The following GRM7 variants were observed in gnomAD, a reference collection of about 807,000 sequenced individuals.
GRM7 encodes metabotropic glutamate receptor 7.
Under a neutral mutation model 84.5 loss-of-function variants are expected in GRM7, and 35 were observed. The observed-to-expected ratio is 0.41, with a 90% CI of 0.32 to 0.55. GRM7 has a LOEUF of 0.55. Among genes scored for constraint, GRM7 ranks in the 20% least tolerant of loss-of-function variants. The probability of loss-of-function intolerance (pLI) is 0.19; values close to 1 mark genes in which losing one functional copy is unlikely to be tolerated. For missense variants in GRM7, 1,003 were observed against 1,194.6 expected (o/e 0.84, Z 2.36); for synonymous variants, 487 against 455.1 (o/e 1.07, Z -0.89).
intron 1 of GRM7, among the ~76,000 whole-genome samples, chr3:6,895,448 T>C (rs1335233242): frequency 6.6e-6 from 1 of 152,200 alleles, no homozygotes; most frequent in Non-Finnish European, 1.5e-5. Flanking sequence ...TGCCATATGG[T>C]AAGAACACTA....
At chr3:6,956,544 C>T (rs556507257) in intron 1 of GRM7, 1 of 456,012 alleles carries the variant, frequency 2.2e-6, no homozygotes, top group South Asian at 1.6e-5. Flanking sequence ...ATATTTTCCA[C>T]ACTCTCTCTT....
chr3:7,737,846 T>G (rs1424102899), intron 9 of GRM7, among the ~76,000 whole-genome samples: 1 of 148,782 alleles, frequency 6.7e-6, no homozygotes, highest in Non-Finnish European at 1.5e-5. Context: ...TCTCCCAATT[T>G]TTTTTTTTTT....
intron 2 of GRM7, among the ~76,000 whole-genome samples, chr3:7,237,473 T>A (rs1304680519): frequency 1.3e-5 from 2 of 152,120 alleles, no homozygotes; most frequent in Non-Finnish European, 2.9e-5. Context: ...CTCGCTGACT[T>A]CAAGCATGAA....
At position 7,028,090 on chromosome 3, in the gene GRM7, A is replaced by C. The variant is rs372125816; in HGVS notation, c.520-118362A>C. 1.6e-3 allele frequency among the ~76,000 whole-genome samples: 250 copies of C among 152,216 alleles called. 2 individuals are homozygous for C. The highest frequency in any genetic ancestry group is 6.8e-3 in the Middle Eastern group (2 of 294). On this transcript the variant is annotated intron_variant, in intron 1 of 9. Coordinates refer to ENST00000357716, the MANE Select transcript of GRM7 (RefSeq NM_000844.4). ...TGTTTTTCCTGTTTCCTTTCAATAG[A>C]GTGGAAGCTCCAGGATGGCAGGAAC...
chr3:7,025,116 C>G (rs1202697294), intron 1 of GRM7, among the ~76,000 whole-genome samples: 1 of 152,160 alleles, frequency 6.6e-6, no homozygotes, highest in Non-Finnish European at 1.5e-5. Flanking sequence ...ATTCTTCCTC[C>G]TTTGCATCAC....
intron 4 of GRM7, among the ~76,000 whole-genome samples, chr3:7,362,026 A>G (rs945043279): frequency 2.0e-5 from 3 of 152,134 alleles, no homozygotes; most frequent in Non-Finnish European, 4.4e-5. Context: ...CTAATGTTTA[A>G]TAACTGGGTT....
chr3:7,422,961 A>G (rs1334203141), intron 5 of GRM7, among the ~76,000 whole-genome samples: 1 of 152,156 alleles, frequency 6.6e-6, no homozygotes, highest in Non-Finnish European at 1.5e-5. Flanking sequence ...CAGATCTTTG[A>G]TTTTACTCAC....
At chr3:7,551,265 C>T (rs184894230) in intron 7 of GRM7, among the ~76,000 whole-genome samples, 1 of 152,238 alleles carries the variant, frequency 6.6e-6, no homozygotes, top group East Asian at 1.9e-4. Flanking sequence ...AAGAGTTTTG[C>T]ATACAGACCC....
intron 1 of GRM7, chr3:6,893,091 C>G (rs911030142): frequency 6.6e-6 from 1 of 152,048 alleles, no homozygotes; most frequent in African/African-American, 2.4e-5. Context: ...TTTTTAATCT[C>G]CACTATGACC....
chr3:7,567,647 C>G (rs1694369573), intron 7 of GRM7, among the ~76,000 whole-genome samples: 1 of 148,108 alleles, frequency 6.8e-6, no homozygotes, highest in South Asian at 2.2e-4. Flanking sequence ...CTGGGGAAGG[C>G]TGAGGCATGA....
chr3:7,180,494 C>T (rs1029488207), intron 2 of GRM7, among the ~76,000 whole-genome samples: 1 of 152,060 alleles, frequency 6.6e-6, no homozygotes, highest in African/African-American at 2.4e-5. Flanking sequence ...ATTTTAATAT[C>T]CCCCGGCAAC....
intron 2 of GRM7, among the ~76,000 whole-genome samples, chr3:7,279,805 G>A (rs923731479): frequency 6.6e-6 from 1 of 152,160 alleles, no homozygotes; most frequent in African/African-American, 2.4e-5. Flanking sequence ...TTATGTCTGT[G>A]TGTGTGAGAA....
At chr3:6,981,771 C>T (rs1464648614) in intron 1 of GRM7, among the ~76,000 whole-genome samples, 43 of 151,834 alleles carry the variant, frequency 2.8e-4, no homozygotes, top group Admixed American at 2.8e-3. Flanking sequence ...GTCAGAAGGG[C>T]TATTATTAGA....
chr3:7,647,441 T>C (rs1312760949), intron 8 of GRM7, among the ~76,000 whole-genome samples: 1 of 152,172 alleles, frequency 6.6e-6, no homozygotes. Context: ...AGGAGGCTGG[T>C]ATACTAGGAC....
chr3:7,455,525 T>C (rs1409915577), intron 6 of GRM7, among the ~76,000 whole-genome samples: 1 of 152,202 alleles, frequency 6.6e-6, no homozygotes, highest in Non-Finnish European at 1.5e-5. Context: ...CTGGCATGCT[T>C]ACAGCATCGC....
intron 9 of GRM7, chr3:7,681,639 T>C (rs530041112): frequency 6.6e-6 from 1 of 152,274 alleles, no homozygotes; most frequent in African/African-American, 2.4e-5. Flanking sequence ...ATAGGCTCTG[T>C]TGTGTCTCCA....
intron 5 of GRM7, among the ~76,000 whole-genome samples, chr3:7,432,038 A>G (rs1696852163): frequency 6.6e-6 from 1 of 152,170 alleles, no homozygotes. Context: ...GGCCCCGAAC[A>G]AGCTACAAGG....
intron 1 of GRM7, among the ~76,000 whole-genome samples, chr3:6,965,935 C>G (rs1693499200): frequency 6.6e-6 from 1 of 152,128 alleles, no homozygotes; most frequent in African/African-American, 2.4e-5. Context: ...GAGAAATATC[C>G]ACACCAAAAA....
At chr3:7,214,576 C>T (rs182069413) in intron 2 of GRM7, among the ~76,000 whole-genome samples, 2 of 152,326 alleles carry the variant, frequency 1.3e-5, no homozygotes, top group Non-Finnish European at 1.5e-5. Flanking sequence ...ATGTAATAAA[C>T]TCTTTTACAC....
Sources: allele counts gnomAD v4.1 joint callset (sites outside exome capture counted in the v4.1 genomes callset), GRCh38; gene constraint gnomAD v4.1.1; transcripts MANE v1.5; gene names NCBI Gene and HGNC (gene_info 2026-07-23, HGNC 2026-07-21).